The following SASH1 variants were observed in gnomAD, a reference collection of about 807,000 sequenced individuals.
The protein encoded by SASH1 is SAM and SH3 domain-containing protein 1.
Under a neutral mutation model 125.2 loss-of-function variants are expected in SASH1, and 44 were observed. The observed-to-expected ratio is 0.35, with a 90% CI of 0.28 to 0.45. The LOEUF is 0.45. SASH1 is among the 20% of genes least tolerant of loss of function. SASH1 has a pLI of 1.00. For missense variants in SASH1, 1,426 were observed against 1,614.5 expected (o/e 0.88, Z 2.00); for synonymous variants, 639 against 649.1 (o/e 0.98, Z 0.24).
intron 1 of SASH1, chr6:148,379,874 C>T (rs770901219): frequency 8.8e-6 from 4 of 456,146 alleles, no homozygotes; most frequent in South Asian, 1.6e-5. Context: ...GTTCCATCAC[C>T]GCTGATCTTG....
At position 148,545,998 on chromosome 6, in the gene SASH1, C is replaced by T; in HGVS notation, c.3349-17C>T. The T allele has an allele frequency of 1.2e-6, 2 of 1,611,070 alleles. No homozygotes were observed. Among genetic ancestry groups the T allele is most frequent in the South Asian group, 2.2e-5 (2 of 90,572 alleles). On this transcript the variant is annotated splice_polypyrimidine_tract_variant and intron_variant, in intron 18 of 19. Coordinates refer to ENST00000367467, the MANE Select transcript of SASH1 (RefSeq NM_015278.5). ...TCCTTATGACTCTTGATGTCATATTCCTGTTCTCCCTGGCAGCATGGCCGC... is the reference window on the plus strand; with the variant it reads ...TCCTTATGACTCTTGATGTCATATTTCTGTTCTCCCTGGCAGCATGGCCGC...
chr6:148,484,864 AT>A (rs1235509798), intron 7 of SASH1, among the ~76,000 whole-genome samples: 3 of 152,132 alleles, frequency 2.0e-5, no homozygotes, highest in Non-Finnish European at 4.4e-5. Context: ...GATTGCTTGA[AT>A]CAGGGAGATC....
upstream of SASH1, among the ~76,000 whole-genome samples, chr6:148,342,043 A>G (rs1659311034): frequency 6.6e-6 from 1 of 152,194 alleles, no homozygotes; most frequent in African/African-American, 2.4e-5. Flanking sequence ...TGGCTACACA[A>G]TCATTTGAAT....
chr6:148,399,075 A>G (rs1258149187), intron 2 of SASH1, among the ~76,000 whole-genome samples: 5 of 151,944 alleles, frequency 3.3e-5, no homozygotes, highest in East Asian at 1.9e-4. Flanking sequence ...GGTGTTTCCA[A>G]CCTTACACTT....
intron 2 of SASH1, among the ~76,000 whole-genome samples, chr6:148,391,739 A>C (rs1449678786): frequency 6.6e-6 from 1 of 152,206 alleles, no homozygotes; most frequent in Non-Finnish European, 1.5e-5. Flanking sequence ...ATTTGCTATA[A>C]AATATCATAA....
intron 1 of SASH1, among the ~76,000 whole-genome samples, chr6:148,298,294 T>C (rs1402983448): frequency 6.6e-6 from 1 of 152,096 alleles, no homozygotes; most frequent in Non-Finnish European, 1.5e-5. Context: ...ATTATAGACA[T>C]GAGCCGCCGT....
chr6:148,442,978 G>C (rs548070584), intron 4 of SASH1, among the ~76,000 whole-genome samples: 1 of 151,994 alleles, frequency 6.6e-6, no homozygotes, highest in East Asian at 1.9e-4. Flanking sequence ...GTTTCACCAT[G>C]TTGGGCAGAC....
chr6:148,277,741 G>A (rs868767001), intron 1 of SASH1, among the ~76,000 whole-genome samples: 5 of 151,230 alleles, frequency 3.3e-5, no homozygotes, highest in African/African-American at 1.2e-4. Context: ...TTTTGAGACA[G>A]AGTCTTGCTC....
Position 148,533,017 on chromosome 6 carries a change from T to G in SASH1, c.1734+51T>G. The G allele has an allele frequency of 3.1e-6, 5 of 1,587,460 alleles. No homozygotes were observed. Among genetic ancestry groups the G allele is most frequent in the East Asian group, 2.2e-5 (1 of 44,622 alleles). On this transcript the variant is annotated intron_variant, in intron 14 of 19. Coordinates refer to ENST00000367467, the MANE Select transcript of SASH1 (RefSeq NM_015278.5). The surrounding 1 kb of genome is among the most constrained non-coding windows in gnomAD (Gnocchi z 6.2). ...AGCTAACTGGGCTCTTCCATTTCTC[T>G]AGGAGGCTTTCTTTCCTCCTCACTG...
At chr6:148,446,587 C>A (rs538901002) in intron 4 of SASH1, among the ~76,000 whole-genome samples, 12 of 152,272 alleles carry the variant, frequency 7.9e-5, no homozygotes, top group African/African-American at 2.9e-4. Context: ...AGGAAGCCAA[C>A]TGTAGGGAGG....
upstream of SASH1, among the ~76,000 whole-genome samples, chr6:148,267,580 G>A (rs973711448): frequency 2.0e-5 from 3 of 151,964 alleles, no homozygotes; most frequent in East Asian, 1.9e-4. Context: ...GGGTTTCACC[G>A]TGTTAGCCAG....
chr6:148,217,925 G>C, the SASH1 span, among the ~76,000 whole-genome samples: 3 of 151,604 alleles, frequency 2.0e-5, no homozygotes, highest in African/African-American at 7.3e-5. Flanking sequence ...TGAGGCAGGA[G>C]GATCACTTGA....
rs1174644909 is a variant in SASH1 at position 148,302,311 on chromosome 6, C to CAAAA, written n.74+29961_74+29964dup. On this transcript the variant is annotated intron_variant and non_coding_transcript_variant, in intron 1 of 3. Coordinates refer to the SASH1 transcript ENST00000367469. ...TGGGCGACAGAGCAAGACTCCGTCT[C>CAAAA]AAAAAAAAAAAAAAAAAAAAAAAAA... Among the ~76,000 whole-genome samples, 56 of 44,882 alleles carry CAAAA rather than the reference C, an allele frequency of 1.2e-3. 3 individuals are homozygous for CAAAA. The highest frequency in any genetic ancestry group is 4.1e-3 in the East Asian group (2 of 484). The allele number at this position is 44,882 out of a possible 152,430, so 29.4% of individuals were successfully genotyped here.
At chr6:148,238,625 TACACACAC>T in the SASH1 span, among the ~76,000 whole-genome samples, 22,211 of 149,332 alleles carry the variant, frequency 0.15, 1,704 homozygotes, top group Non-Finnish European at 0.16. Context: ...TACACACACA[TACACACAC>T]ACACACACAC....
chr6:148,440,215 A>G lies in SASH1; in HGVS notation c.317A>G (p.Gln106Arg). The change falls in exon 3 of 20, where the codon CAG (glutamine) becomes CGG (arginine). Residue 106 changes from glutamine (Q) to arginine (R), a missense_variant. Coordinates refer to ENST00000367467, the MANE Select transcript of SASH1 (RefSeq NM_015278.5). ...EKPDASPTSL[Q>R]LRSQIEESLG... ...CCCGATGCTAGCCCCACGTCACTTC[A>G]GCTGCGGTCCCAGATCGAAGTAAGC... 1 of 1,613,968 alleles carries G rather than the reference A, an allele frequency of 6.2e-7. No individual in the cohort carries two copies. Among genetic ancestry groups the G allele is most frequent in the Non-Finnish European group, 8.5e-7 (1 of 1,180,016 alleles).
chr6:148,400,389 G>A (rs556209139), intron 2 of SASH1, among the ~76,000 whole-genome samples: 23 of 152,352 alleles, frequency 1.5e-4, no homozygotes, highest in Admixed American at 1.2e-3. Context: ...CCTGACGCAC[G>A]CAGTCCATAT....
chr6:148,255,821 T>C, the SASH1 span, among the ~76,000 whole-genome samples: 1 of 152,002 alleles, frequency 6.6e-6, no homozygotes, highest in Admixed American at 6.6e-5. Context: ...TTTTGCATTT[T>C]TGTAGAGAGG....
intron 2 of SASH1, among the ~76,000 whole-genome samples, chr6:148,435,196 G>C (rs1204977602): frequency 6.6e-6 from 1 of 152,018 alleles, no homozygotes; most frequent in African/African-American, 2.4e-5. Context: ...TGGCCAATAT[G>C]GTGAAACCCC....
intron 2 of SASH1, among the ~76,000 whole-genome samples, chr6:148,396,889 A>C (rs906175184): frequency 6.6e-6 from 1 of 152,178 alleles, no homozygotes; most frequent in Non-Finnish European, 1.5e-5. Context: ...TAAATGAAAA[A>C]AATTGCTGTC....
Sources: allele counts gnomAD v4.1 joint callset (sites outside exome capture counted in the v4.1 genomes callset), GRCh38; gene constraint gnomAD v4.1.1; non-coding constraint Gnocchi (gnomAD v3.1); transcripts MANE v1.5; gene names NCBI Gene and HGNC (gene_info 2026-07-23, HGNC 2026-07-21).